UBE2E3: variants seen among roughly 807,000 people sequenced by gnomAD.
UBE2E3 encodes the protein ubiquitin-conjugating enzyme E2 E3.
In UBE2E3, 5 loss-of-function variants were observed where a neutral mutation model predicts 23.6. The ratio of observed to expected loss-of-function variants is 0.21; its 90% confidence interval spans 0.11 to 0.44. The LOEUF (loss-of-function observed/expected upper bound fraction) is 0.44. UBE2E3 is among the 20% of genes least tolerant of loss of function. The pLI, the probability that UBE2E3 is intolerant of heterozygous loss-of-function variation, is 0.99. For missense variants in UBE2E3, 81 were observed against 249.8 expected (o/e 0.32, Z 4.55); for synonymous variants, 78 against 87.5 (o/e 0.89, Z 0.60).
intron 3 of UBE2E3, among the ~76,000 whole-genome samples, chr2:181,036,930 C>T (rs535665975): frequency 6.6e-6 from 1 of 152,276 alleles, no homozygotes; most frequent in African/African-American, 2.4e-5. Flanking sequence ...CATAAAGTTG[C>T]AGTTTCCAAG....
At chr2:181,059,723 G>T (rs566301014) in intron 4 of UBE2E3, among the ~76,000 whole-genome samples, 3 of 151,550 alleles carry the variant, frequency 2.0e-5, no homozygotes, top group Admixed American at 1.3e-4. Flanking sequence ...TGCTGTATTG[G>T]TCAGAGCAGT....
At position 180,996,102 on chromosome 2, in the gene UBE2E3, T is replaced by C. The variant is rs555202704; in HGVS notation, c.245+12009T>C. ...TTGCTGTTATCATCTTTATAGAATT[T>C]CTTAATTTAAAAAAAACTTCAGCTT... On this transcript the variant is annotated intron_variant, in intron 3 of 5. Coordinates refer to ENST00000410062, the MANE Select transcript of UBE2E3 (RefSeq NM_006357.4). 2.0e-5 allele frequency among the ~76,000 whole-genome samples: 3 copies of C among 152,294 alleles called. No homozygotes were observed. The East Asian group carries it at 5.8e-4, about 29-fold the overall frequency.
intron 4 of UBE2E3, among the ~76,000 whole-genome samples, chr2:181,060,182 G>T (rs894505972): frequency 6.6e-6 from 1 of 151,618 alleles, no homozygotes; most frequent in Non-Finnish European, 1.5e-5. Context: ...AAATCCTCCA[G>T]TATTTTCTAA....
chr2:181,045,733 A>G (rs1446312649), intron 3 of UBE2E3, among the ~76,000 whole-genome samples: 2 of 152,136 alleles, frequency 1.3e-5, no homozygotes, highest in African/African-American at 4.8e-5. Context: ...ACATCAATTA[A>G]CTTAGTACCT....
At chr2:180,994,190 C>T (rs1684759065) in intron 3 of UBE2E3, among the ~76,000 whole-genome samples, 2 of 152,156 alleles carry the variant, frequency 1.3e-5, no homozygotes, top group Non-Finnish European at 2.9e-5. Flanking sequence ...GCCAAATACT[C>T]ATTTTCTTCT....
At chr2:181,035,612 T>C (rs1355874345) in intron 3 of UBE2E3, among the ~76,000 whole-genome samples, 3 of 152,164 alleles carry the variant, frequency 2.0e-5, no homozygotes, top group African/African-American at 7.2e-5. Flanking sequence ...GACCCGTGGG[T>C]CACATGCGTC....
At chr2:181,001,401 T>C (rs1251027322) in intron 3 of UBE2E3, among the ~76,000 whole-genome samples, 1 of 152,120 alleles carries the variant, frequency 6.6e-6, no homozygotes, top group Non-Finnish European at 1.5e-5. Context: ...CATACAATTA[T>C]GTTTTGCCTT....
chr2:180,981,217 C>G (rs1684279277), intron 1 of UBE2E3: 1 of 150,752 alleles, frequency 6.6e-6, no homozygotes, highest in Non-Finnish European at 1.5e-5. Flanking sequence ...CGCCGCCGGC[C>G]GTGGCTCGCC....
chr2:180,982,500 ATTGT>A (rs771351210), intron 2 of UBE2E3, among the ~76,000 whole-genome samples: 58 of 152,256 alleles, frequency 3.8e-4, no homozygotes, highest in Middle Eastern at 3.4e-3. Flanking sequence ...ATTCTGACAG[ATTGT>A]TTAAGGAGTT....
chr2:181,006,116 C>T (rs1173768711), intron 3 of UBE2E3, among the ~76,000 whole-genome samples: 3 of 152,192 alleles, frequency 2.0e-5, no homozygotes, highest in East Asian at 3.8e-4. Context: ...GAGTCTCTTA[C>T]TCTGACAGCA....
intron 3 of UBE2E3, among the ~76,000 whole-genome samples, chr2:181,022,997 A>G (rs1685756479): frequency 6.6e-6 from 1 of 152,260 alleles, no homozygotes; most frequent in Non-Finnish European, 1.5e-5. Context: ...GTCCCCGACC[A>G]ACAGTGGTTC....
At chr2:181,052,607 G>C (rs1686873916) in intron 3 of UBE2E3, among the ~76,000 whole-genome samples, 1 of 151,434 alleles carries the variant, frequency 6.6e-6, no homozygotes, top group South Asian at 2.1e-4. Flanking sequence ...TTATCATTGA[G>C]AACACCTGAC....
intron 3 of UBE2E3, among the ~76,000 whole-genome samples, chr2:181,008,014 TTGTATTC>T (rs1166088727): frequency 6.6e-6 from 1 of 152,186 alleles, no homozygotes; most frequent in Non-Finnish European, 1.5e-5. Context: ...ATACAGTACT[TTGTATTC>T]TGAATTGTCT....
intron 3 of UBE2E3, among the ~76,000 whole-genome samples, chr2:181,015,128 A>G (rs975356155): frequency 1.3e-5 from 2 of 152,152 alleles, no homozygotes; most frequent in East Asian, 1.9e-4. Flanking sequence ...AGGGGTTCAC[A>G]ACTTTTATAT....
intron 3 of UBE2E3, among the ~76,000 whole-genome samples, chr2:180,984,866 A>G (rs1684405414): frequency 6.6e-6 from 1 of 151,994 alleles, no homozygotes; most frequent in Admixed American, 6.6e-5. Context: ...TTCTTTTTTT[A>G]ATGACTATGG....
chr2:180,983,986 CT>C, intron 2 of UBE2E3, 56 bp from the exon 3 acceptor site: 1 of 1,453,830 alleles, frequency 6.9e-7, no homozygotes, highest in Non-Finnish European at 9.5e-7. Context: ...GTGTAATTCC[CT>C]GGTTATTCTG....
At chr2:181,022,992 C>G (rs558139433) in intron 3 of UBE2E3, among the ~76,000 whole-genome samples, 22 of 152,298 alleles carry the variant, frequency 1.4e-4, no homozygotes, top group Admixed American at 9.8e-4. Flanking sequence ...AGATAGTCCC[C>G]GACCAACAGT....
At chr2:181,007,871 T>G (rs1319760221) in intron 3 of UBE2E3, among the ~76,000 whole-genome samples, 1 of 152,264 alleles carries the variant, frequency 6.6e-6, no homozygotes, top group East Asian at 1.9e-4. Context: ...AATTCAATTT[T>G]AATTATTTTA....
In UBE2E3 at chr2:180,992,006, T is replaced by A. The variant is rs79085212; in HGVS notation, c.245+7913T>A. ...GTAGGGACTGCTCTGCTACTTCTGTTACGTGACCATGACTGAAATTACTTA... is the reference window on the plus strand; with the variant it reads ...GTAGGGACTGCTCTGCTACTTCTGTAACGTGACCATGACTGAAATTACTTA... On this transcript the variant is annotated intron_variant, in intron 3 of 5. Transcript: ENST00000410062. Among the ~76,000 whole-genome samples the A allele has an allele frequency of 2.6e-3, 398 of 152,348 alleles. 1 individual carries two copies. The highest frequency in any genetic ancestry group is 4.4e-3 in the Non-Finnish European group (297 of 68,026).
Sources: gnomAD v4.1 joint callset for allele counts (sites outside exome capture counted in the v4.1 genomes callset) on GRCh38, gnomAD v4.1.1 for gene constraint, MANE v1.5 for transcripts, NCBI Gene and HGNC (gene_info 2026-07-23, HGNC 2026-07-21) for gene names.